The following UNC5C variants were observed in gnomAD, a reference collection of about 807,000 sequenced individuals.
The protein encoded by UNC5C is netrin receptor UNC5C.
In UNC5C, 47 loss-of-function variants were observed where a neutral mutation model predicts 99.8. The observed-to-expected ratio is 0.47, with a 90% CI of 0.37 to 0.60. The LOEUF (loss-of-function observed/expected upper bound fraction) is 0.60, where lower values mean the gene tolerates loss of function less well. Among genes scored for constraint, UNC5C ranks in the 20% least tolerant of loss-of-function variants. The probability of loss-of-function intolerance (pLI) is 0.00; values close to 1 mark genes in which losing one functional copy is unlikely to be tolerated. For synonymous variants in UNC5C, 487 were observed against 452.2 expected (o/e 1.08, Z -0.98); for missense variants, 1,062 against 1,165.9 (o/e 0.91, Z 1.30).
In UNC5C at chr4:95,485,960, T is replaced by C. The variant is rs1032354323; in HGVS notation, c.124+62774A>G. On this transcript the variant is annotated intron_variant, in intron 1 of 15. Coordinates refer to ENST00000453304, the MANE Select transcript of UNC5C (RefSeq NM_003728.4). ...AGAACCCTGCGATCATCAAAAAAAGTTGCATGACATAAAATGATTTTATAA... is the reference window on the plus strand; with the variant it reads ...AGAACCCTGCGATCATCAAAAAAAGCTGCATGACATAAAATGATTTTATAA... Among the ~76,000 whole-genome samples, 3 of 151,650 alleles carry C rather than the reference T, an allele frequency of 2.0e-5. No homozygotes were observed. In the East Asian group the frequency reaches 5.9e-4, roughly 30 times the overall value.
chr4:95,456,870 A>C (rs1747441173), intron 1 of UNC5C, among the ~76,000 whole-genome samples: 1 of 152,170 alleles, frequency 6.6e-6, no homozygotes, highest in Admixed American at 6.6e-5. Flanking sequence ...TTAAAAGCAA[A>C]TTAGAACATT....
intron 4 of UNC5C, among the ~76,000 whole-genome samples, chr4:95,270,034 AAGACATTGAT>A (rs1740599473): frequency 6.6e-6 from 1 of 152,092 alleles, no homozygotes; most frequent in Non-Finnish European, 1.5e-5. Context: ...ACAATTCTAA[AAGACATTGAT>A]AGCTAATACT....
chr4:95,481,481 A>C (rs1464108493), intron 1 of UNC5C, among the ~76,000 whole-genome samples: 1 of 152,020 alleles, frequency 6.6e-6, no homozygotes, highest in African/African-American at 2.4e-5. Flanking sequence ...GCTACCAATG[A>C]CTTTCTTCAC....
chr4:95,205,677 G>T (rs188802790), intron 11 of UNC5C, among the ~76,000 whole-genome samples: 19 of 150,278 alleles, frequency 1.3e-4, no homozygotes, highest in African/African-American at 4.8e-4. Context: ...AAGTATAAAT[G>T]TATAGTATAG....
At chr4:95,425,748 A>G (rs1034888390) in intron 1 of UNC5C, among the ~76,000 whole-genome samples, 1 of 152,188 alleles carries the variant, frequency 6.6e-6, no homozygotes, top group Non-Finnish European at 1.5e-5. Flanking sequence ...ATTTCTTAGT[A>G]GTTATTTAAA....
chr4:95,384,298 G>A (rs1440537951), intron 1 of UNC5C, among the ~76,000 whole-genome samples: 1 of 152,158 alleles, frequency 6.6e-6, no homozygotes, highest in East Asian at 1.9e-4. Context: ...AAAGCACACG[G>A]TGTCATGGAG....
intron 1 of UNC5C, among the ~76,000 whole-genome samples, chr4:95,512,738 C>T (rs750910333): frequency 3.1e-4 from 47 of 152,124 alleles, no homozygotes; most frequent in Non-Finnish European, 5.9e-4. Context: ...AGATTTTCAA[C>T]ATTTTTATGC....
intron 9 of UNC5C, 48 bp downstream of exon 9, chr4:95,218,921 A>C (rs1360974664): frequency 6.6e-7 from 1 of 1,518,572 alleles, no homozygotes; most frequent in Admixed American, 2.2e-5. Context: ...TGGTATGGAA[A>C]AATATGTTTC....
At chr4:95,324,878 G>A (rs753589077) in intron 2 of UNC5C, among the ~76,000 whole-genome samples, 14 of 152,134 alleles carry the variant, frequency 9.2e-5, no homozygotes, top group Non-Finnish European at 1.5e-4. Flanking sequence ...ATAAATTTCT[G>A]TTCTTTATAA....
At chr4:95,301,519 C>G (rs1741877208) in intron 3 of UNC5C, 87 bp downstream of exon 3, 2 of 1,563,478 alleles carry the variant, frequency 1.3e-6, no homozygotes, top group Non-Finnish European at 1.7e-6. Context: ...GACCAGTTTT[C>G]TTTGGTGCTG....
intron 4 of UNC5C, among the ~76,000 whole-genome samples, chr4:95,268,251 T>TAGTGTAACCTTTTACATAA (rs1451222299): frequency 1.3e-5 from 2 of 152,244 alleles, no homozygotes; most frequent in African/African-American, 4.8e-5. Flanking sequence ...TGATTTCTTT[T>TAGTGTAACCTTTTACATAA]AGTGTAACCT....
rs1235648644 is a variant in UNC5C at position 95,354,489 on chromosome 4, T to A, written c.125-18858A>T. On this transcript the variant is annotated intron_variant, in intron 1 of 15. Coordinates refer to ENST00000453304, the MANE Select transcript of UNC5C (RefSeq NM_003728.4). Reference sequence around the variant, plus strand: ...CTTCCATATATATATATTTTTTTTTTTTTTTTAAGAGACAGGGTCTTGTCC... The same window carrying A: ...CTTCCATATATATATATTTTTTTTTATTTTTTAAGAGACAGGGTCTTGTCC... Among the ~76,000 whole-genome samples, 90 of 66,992 alleles carry A rather than the reference T, an allele frequency of 1.3e-3. 1 individual carries two copies. Among genetic ancestry groups the A allele is most frequent in the African/African-American group, 0.012 (80 of 6,612 alleles). 43.9% of individuals were successfully genotyped at this position (66,992 alleles called of 152,430 possible). A position where few individuals can be genotyped will look rare whatever the true frequency, so the allele number is the denominator to read the frequency against.
At chr4:95,256,341 T>C (rs1004482700) in intron 4 of UNC5C, among the ~76,000 whole-genome samples, 1 of 152,132 alleles carries the variant, frequency 6.6e-6, no homozygotes, top group Non-Finnish European at 1.5e-5. Flanking sequence ...TTTCCAAACC[T>C]GCTCCTCTCA....
At chr4:95,399,771 G>C (rs979415351) in intron 1 of UNC5C, among the ~76,000 whole-genome samples, 1 of 152,114 alleles carries the variant, frequency 6.6e-6, no homozygotes, top group African/African-American at 2.4e-5. Context: ...CTCTTTTATA[G>C]CACCAGAGTG....
At chr4:95,277,106 A>T (rs1370802232) in intron 4 of UNC5C, among the ~76,000 whole-genome samples, 2 of 151,562 alleles carry the variant, frequency 1.3e-5, no homozygotes, top group Non-Finnish European at 2.9e-5. Flanking sequence ...AATAGTAAGT[A>T]CATTATTAAT....
chr4:95,408,364 C>A (rs1394258320), intron 1 of UNC5C, among the ~76,000 whole-genome samples: 4 of 152,136 alleles, frequency 2.6e-5, no homozygotes, highest in Non-Finnish European at 1.5e-5. Context: ...TCACCTGCAA[C>A]TTTCCTTTTC....
intron 1 of UNC5C, among the ~76,000 whole-genome samples, chr4:95,466,404 T>G (rs927891699): frequency 6.6e-6 from 1 of 152,164 alleles, no homozygotes; most frequent in Non-Finnish European, 1.5e-5. Flanking sequence ...CACATACATT[T>G]GGACAGTAAT....
chr4:95,439,979 A>G (rs1358160916), intron 1 of UNC5C, among the ~76,000 whole-genome samples: 4 of 152,222 alleles, frequency 2.6e-5, no homozygotes, highest in Non-Finnish European at 4.4e-5. Context: ...GACCTACTCA[A>G]TCATGCTGTT....
intron 1 of UNC5C, among the ~76,000 whole-genome samples, chr4:95,506,934 T>C (rs1264162732): frequency 1.3e-5 from 2 of 151,730 alleles, no homozygotes; most frequent in East Asian, 1.9e-4. Context: ...ATAAATATTA[T>C]ACATGCAAGG....
Sources: allele counts gnomAD v4.1 joint callset (sites outside exome capture counted in the v4.1 genomes callset), GRCh38; gene constraint gnomAD v4.1.1; transcripts MANE v1.5; gene names NCBI Gene and HGNC (gene_info 2026-07-23, HGNC 2026-07-21).